The following FMNL2 variants were observed in gnomAD, a reference collection of about 807,000 sequenced individuals.
FMNL2 encodes formin-like protein 2.
Under a neutral mutation model 130.2 loss-of-function variants are expected in FMNL2, and 51 were observed. The observed-to-expected ratio is 0.39, with a 90% CI of 0.31 to 0.49. The LOEUF (loss-of-function observed/expected upper bound fraction) is 0.49. Among genes scored for constraint, FMNL2 ranks in the 20% least tolerant of loss-of-function variants. The pLI, the probability that FMNL2 is intolerant of heterozygous loss-of-function variation, is 0.85. For missense variants in FMNL2, 977 were observed against 1,316.2 expected (o/e 0.74, Z 3.99); for synonymous variants, 465 against 467.1 (o/e 1.00, Z 0.06).
rs1215658739 is a variant in FMNL2, at chr2:152,646,714, A to G, written c.3170-1082A>G. The stretch of plus-strand genomic sequence containing the variant: ...TGGTTTAATTCTGTTATTTGTTTGT[A>G]TTTCCCTTTCTAAAGATAGCATGTA... On this transcript the variant is annotated intron_variant, in intron 25 of 25. Transcript: ENST00000288670. Among the ~76,000 whole-genome samples, 4 of 152,308 alleles carry G rather than the reference A, an allele frequency of 2.6e-5. No individual in the cohort carries two copies. The East Asian group carries it at 5.8e-4, about 22-fold the overall frequency.
intron 1 of FMNL2, among the ~76,000 whole-genome samples, chr2:152,366,472 T>TGCC (rs1024824176): frequency 2.7e-5 from 2 of 75,446 alleles, no homozygotes; most frequent in Non-Finnish European, 7.6e-5. Context: ...TTAAAATGTT[T>TGCC]GCCAACAACA....
intron 1 of FMNL2, among the ~76,000 whole-genome samples, chr2:152,389,324 A>G (rs1241211463): frequency 6.6e-6 from 1 of 152,208 alleles, no homozygotes; most frequent in Non-Finnish European, 1.5e-5. Flanking sequence ...CTGTATCTTC[A>G]TATAGCAGAA....
intron 1 of FMNL2, among the ~76,000 whole-genome samples, chr2:152,384,428 G>T (rs1325752802): frequency 6.6e-6 from 1 of 152,178 alleles, no homozygotes; most frequent in Admixed American, 6.5e-5. Flanking sequence ...GATATTGCTG[G>T]CCAGGATAGG....
At chr2:152,367,463 T>C (rs1683625772) in intron 1 of FMNL2, among the ~76,000 whole-genome samples, 1 of 152,250 alleles carries the variant, frequency 6.6e-6, no homozygotes, top group Non-Finnish European at 1.5e-5. Flanking sequence ...ATATACTTAA[T>C]GCTTTTGCAC....
At chr2:152,633,510 G>C (rs1236740606) in intron 21 of FMNL2, among the ~76,000 whole-genome samples, 2 of 152,200 alleles carry the variant, frequency 1.3e-5, no homozygotes, top group Non-Finnish European at 2.9e-5. Context: ...ATGAATGAAT[G>C]AGATGATGCA....
intron 9 of FMNL2, among the ~76,000 whole-genome samples, chr2:152,582,576 C>T (rs990136426): frequency 6.6e-6 from 1 of 151,928 alleles, no homozygotes; most frequent in Non-Finnish European, 1.5e-5. Context: ...AATAGTGAAT[C>T]TTTAAATTCA....
intron 1 of FMNL2, among the ~76,000 whole-genome samples, chr2:152,412,498 ATAT>A (rs1558841131): frequency 4.5e-4 from 39 of 87,128 alleles, no homozygotes; most frequent in African/African-American, 1.3e-3. Context: ...ATATATATAT[ATAT>A]AAATTAGAAA....
At chr2:152,508,560 T>C (rs1460699341) in intron 1 of FMNL2, among the ~76,000 whole-genome samples, 1 of 152,200 alleles carries the variant, frequency 6.6e-6, no homozygotes, top group Admixed American at 6.5e-5. Context: ...GAGTTAGCTA[T>C]GGTTCATCTC....
At chr2:152,492,030 A>G (rs1246018806) in intron 1 of FMNL2, among the ~76,000 whole-genome samples, 1 of 152,246 alleles carries the variant, frequency 6.6e-6, no homozygotes, top group Non-Finnish European at 1.5e-5. Flanking sequence ...TCATTTATGT[A>G]CTATGAAAAA....
rs556236711 is a variant in FMNL2 at position 152,520,842 on chromosome 2, T to C, written c.118-1101T>C. Among the ~76,000 whole-genome samples, 14 of 152,184 alleles carry C rather than the reference T, an allele frequency of 9.2e-5. No homozygotes were observed. The East Asian group carries it at 2.1e-3, about 23-fold the overall frequency. On this transcript the variant is annotated intron_variant, in intron 1 of 25. Transcript: ENST00000288670. The stretch of plus-strand genomic sequence containing the variant: ...ACCCTATAACACAAGACAATAACCA[T>C]GACCAGGGGAATTGTTTCTCCCTAA...
intron 1 of FMNL2, among the ~76,000 whole-genome samples, chr2:152,438,421 T>A (rs1424517016): frequency 1.3e-5 from 2 of 152,166 alleles, no homozygotes; most frequent in Non-Finnish European, 2.9e-5. Flanking sequence ...AATGGACAGA[T>A]CAAGTCCCTG....
chr2:152,459,181 C>T (rs1011095079), intron 1 of FMNL2, among the ~76,000 whole-genome samples: 3 of 152,054 alleles, frequency 2.0e-5, no homozygotes, highest in African/African-American at 4.8e-5. Context: ...GGAAGATGGC[C>T]AATTTTTGAG....
At chr2:152,380,364 A>G (rs1249729593) in intron 1 of FMNL2, among the ~76,000 whole-genome samples, 1 of 152,222 alleles carries the variant, frequency 6.6e-6, no homozygotes, top group Non-Finnish European at 1.5e-5. Context: ...AAAAGTGAAA[A>G]TACCTTCAAA....
At chr2:152,395,690 G>A (rs944952865) in intron 1 of FMNL2, among the ~76,000 whole-genome samples, 13 of 152,248 alleles carry the variant, frequency 8.5e-5, no homozygotes, top group African/African-American at 3.1e-4. Context: ...AGGCTCACAT[G>A]AAATTGAGAG....
At chr2:152,635,907 G>T (rs1381363172) in intron 21 of FMNL2, among the ~76,000 whole-genome samples, 2 of 152,206 alleles carry the variant, frequency 1.3e-5, no homozygotes, top group Non-Finnish European at 2.9e-5. Context: ...CAACACTTTG[G>T]AAAGTCGGGG....
At chr2:152,361,422 A>G (rs1176574841) in intron 1 of FMNL2, among the ~76,000 whole-genome samples, 1 of 152,054 alleles carries the variant, frequency 6.6e-6, no homozygotes, top group Non-Finnish European at 1.5e-5. Context: ...GTTTCAATAT[A>G]CTCTTTCACC....
intron 14 of FMNL2, 26 bp downstream of exon 14, chr2:152,619,184 A>G (rs1363236458): frequency 6.6e-7 from 1 of 1,525,388 alleles, no homozygotes; most frequent in African/African-American, 1.4e-5. Context: ...AGGAGGACTG[A>G]GGAAGTTTTG....
chr2:152,347,074 G>T (rs1032714789), intron 1 of FMNL2, among the ~76,000 whole-genome samples: 2 of 124,008 alleles, frequency 1.6e-5, no homozygotes, highest in Admixed American at 8.3e-5. Flanking sequence ...CTGGGTGACA[G>T]GGCGATATTC....
In FMNL2 at chr2:152,607,280, C is replaced by A. The variant is rs1698423450; in HGVS notation, c.877-59C>A. ...CATTATTAAGCTGAAATTTCTGCAT[C>A]TAATTTTGGAATGTTTATGTTTAGA... On this transcript the variant is annotated intron_variant, in intron 9 of 25. Transcript: ENST00000288670. 1.9e-5 allele frequency: 26 copies of A among 1,385,498 alleles called. No individual in the cohort carries two copies. The South Asian group carries it at 2.6e-4, about 14-fold the overall frequency. 85.8% of individuals were successfully genotyped at this position (1,385,498 alleles called of 1,614,324 possible).
Sources: gnomAD v4.1 joint callset for allele counts (sites outside exome capture counted in the v4.1 genomes callset) on GRCh38, gnomAD v4.1.1 for gene constraint, MANE v1.5 for transcripts, NCBI Gene and HGNC (gene_info 2026-07-23, HGNC 2026-07-21) for gene names.